RTN4R: variants seen among roughly 807,000 people sequenced by gnomAD.
The protein encoded by RTN4R is reticulon-4 receptor.
A neutral mutation model predicts 27.7 loss-of-function variants in RTN4R; 4 were observed. The ratio of observed to expected loss-of-function variants is 0.14; its 90% CI spans 0.07 to 0.33. RTN4R has a LOEUF of 0.33. RTN4R is among the 10% of genes least tolerant of loss of function. The probability of loss-of-function intolerance (pLI) is 1.00; values close to 1 mark genes in which losing one functional copy is unlikely to be tolerated. For missense variants in RTN4R, 554 were observed against 671.5 expected, an observed-to-expected ratio of 0.83 and a Z score of 1.93; for synonymous variants, 290 against 305.6, an observed-to-expected ratio of 0.95 and a Z score of 0.53.
At position 20,242,850 on chromosome 22, in the gene RTN4R, G is replaced by C. The variant is rs1209924253; in HGVS notation, c.283C>G (p.Arg95Gly). 3 of 1,612,944 alleles carry C rather than the reference G, an allele frequency of 1.9e-6. No homozygotes were observed. Among genetic ancestry groups the C allele is most frequent in the Non-Finnish European group, 1.7e-6 (2 of 1,179,942 alleles). The change falls in exon 2 of 2, where the codon CGA becomes GGA. Residue 95 changes from arginine to glycine, a missense_variant. This residue lies in a region of RTN4R where 413 missense variants were observed against 542.3 expected (regional missense o/e 0.76). Transcript: ENST00000043402. ...ILWLHSNVLA[R>G]IDAAAFTGLA... Reference sequence around the variant, plus strand: ...CCAGTGAAGGCAGCCGCATCAATTCGGGCCAGCACATTCGAGTGCAGCCAC... The same window carrying C: ...CCAGTGAAGGCAGCCGCATCAATTCCGGCCAGCACATTCGAGTGCAGCCAC...
chr22:20,242,739 G>A lies in RTN4R; in HGVS notation c.394C>T (p.Leu132=), dbSNP rs761530181. Residue 132 remains leucine, a synonymous_variant, in exon 2 of 2, where the codon CTA becomes TTA. Coordinates refer to ENST00000043402, the MANE Select transcript of RTN4R (RefSeq NM_023004.6). ...DPATFHGLGR[L]HTLHLDRCGL... Reference sequence around the variant, plus strand: ...CAGCGGTCCAGGTGCAGCGTGTGTAGGCGGCCCAGGCCGTGGAATGTGGCA... The same window carrying A: ...CAGCGGTCCAGGTGCAGCGTGTGTAAGCGGCCCAGGCCGTGGAATGTGGCA... 3.7e-6 allele frequency: 6 copies of A among 1,612,640 alleles called. No homozygotes were observed. The highest frequency in any genetic ancestry group is 5.1e-6 in the Non-Finnish European group (6 of 1,179,674).
At chr22:20,267,535 C>A (rs1285150580) in intron 1 of RTN4R, 5 of 451,856 alleles carry the variant, frequency 1.1e-5, no homozygotes, top group Non-Finnish European at 2.3e-5. Flanking sequence ...GCCCTGGAGG[C>A]AGCGCTGGGA....
At chr22:20,252,043 CTCATCACAATCACTA>C (rs1289552896) in intron 1 of RTN4R, among the ~76,000 whole-genome samples, 1 of 143,482 alleles carries the variant, frequency 7.0e-6, no homozygotes, top group East Asian at 2.1e-4. Flanking sequence ...CATCACCATC[CTCATCACAATCACTA>C]TCATCACCAT....
chr22:20,249,943 C>T (rs556253849), intron 1 of RTN4R, among the ~76,000 whole-genome samples: 1 of 152,320 alleles, frequency 6.6e-6, no homozygotes, highest in African/African-American at 2.4e-5. Flanking sequence ...CCATTGGAGC[C>T]ATCCCAGGGA....
intron 1 of RTN4R, among the ~76,000 whole-genome samples, chr22:20,256,843 T>C (rs867939662): frequency 8.5e-5 from 13 of 152,294 alleles, no homozygotes; most frequent in Middle Eastern, 3.4e-3. Context: ...ATCTGAGAAA[T>C]GGGAAGGCTG....
chr22:20,264,798 T>A (rs888190111), intron 1 of RTN4R, among the ~76,000 whole-genome samples: 16 of 152,166 alleles, frequency 1.1e-4, no homozygotes, highest in African/African-American at 3.6e-4. Context: ...CCTGGGTGGC[T>A]GCAGAGGGTC....
intron 1 of RTN4R, chr22:20,243,556 C>T (rs370926821): frequency 1.3e-5 from 6 of 452,718 alleles, no homozygotes; most frequent in African/African-American, 1.0e-4. Flanking sequence ...GCTGGGGTCC[C>T]TCTGGGCACG....
At chr22:20,247,045 C>A (rs971262596) in intron 1 of RTN4R, among the ~76,000 whole-genome samples, 1 of 152,146 alleles carries the variant, frequency 6.6e-6, no homozygotes, top group Non-Finnish European at 1.5e-5. Context: ...GGAAGGCTGG[C>A]GGCCTGGCTA....
chr22:20,260,485 G>C (rs889762624), intron 1 of RTN4R, among the ~76,000 whole-genome samples: 1 of 152,176 alleles, frequency 6.6e-6, no homozygotes, highest in Non-Finnish European at 1.5e-5. Context: ...GTGGAGGCAG[G>C]TGGGGCCAGG....
intron 1 of RTN4R, among the ~76,000 whole-genome samples, chr22:20,258,889 G>C (rs1569040910): frequency 6.6e-6 from 1 of 152,184 alleles, no homozygotes; most frequent in Admixed American, 6.5e-5. Context: ...TAGGAGTGGG[G>C]CGTGGGGGTG....
intron 1 of RTN4R, among the ~76,000 whole-genome samples, chr22:20,259,400 T>C (rs2051231512): frequency 6.6e-6 from 1 of 152,104 alleles, no homozygotes; most frequent in Non-Finnish European, 1.5e-5. Context: ...TGACATAAAT[T>C]GGGGCCGAGG....
Position 20,241,666 on chromosome 22 carries a change from G to C in RTN4R, c.*45C>G. On this transcript the variant is annotated 3_prime_UTR_variant, in exon 2 of 2. Coordinates refer to ENST00000043402, the MANE Select transcript of RTN4R (RefSeq NM_023004.6). ...GGCGGCGTGGAGAGAGACCCCGTAT[G>C]TACACACACCTGGCTGCTGAGCACG... The C allele has an allele frequency of 6.5e-7, 1 of 1,545,550 alleles. No individual in the cohort carries two copies. The highest frequency in any genetic ancestry group is 8.7e-7 in the Non-Finnish European group (1 of 1,144,458).
In RTN4R at chr22:20,241,647, G is replaced by T. The variant is rs1048846576; in HGVS notation, c.*64C>A. On this transcript the variant is annotated 3_prime_UTR_variant, in exon 2 of 2. Coordinates refer to ENST00000043402, the MANE Select transcript of RTN4R (RefSeq NM_023004.6). The stretch of plus-strand genomic sequence containing the variant: ...TCGGCCGCCCGGCTGGCTTGGCGGC[G>T]TGGAGAGAGACCCCGTATGTACACA... The T allele has an allele frequency of 5.2e-6, 8 of 1,534,338 alleles. No homozygotes were observed. Among genetic ancestry groups the T allele is most frequent in the Non-Finnish European group, 7.0e-6 (8 of 1,135,330 alleles).
intron 1 of RTN4R, among the ~76,000 whole-genome samples, chr22:20,260,619 G>T (rs1256914936): frequency 6.6e-6 from 1 of 152,186 alleles, no homozygotes; most frequent in East Asian, 1.9e-4. Flanking sequence ...GGGGCTTCTG[G>T]GGTAGGGGCC....
intron 1 of RTN4R, among the ~76,000 whole-genome samples, chr22:20,262,028 A>G (rs855053): frequency 2.0e-5 from 3 of 152,072 alleles, no homozygotes; most frequent in African/African-American, 7.2e-5. Flanking sequence ...GATGGTAGGC[A>G]GGGAGCCGGG....
chr22:20,264,472 C>G (rs1323656340), intron 1 of RTN4R, among the ~76,000 whole-genome samples: 1 of 152,230 alleles, frequency 6.6e-6, no homozygotes, highest in Non-Finnish European at 1.5e-5. Context: ...GACCTCCTAT[C>G]CTTTAAAGCA....
intron 1 of RTN4R, among the ~76,000 whole-genome samples, chr22:20,256,949 C>T (rs950488818): frequency 6.6e-6 from 1 of 152,256 alleles, no homozygotes; most frequent in Admixed American, 6.5e-5. Flanking sequence ...CCACTCCACA[C>T]CTCGCTGGCC....
In RTN4R at chr22:20,241,600, C is replaced by G; in HGVS notation, c.*111G>C. 8.1e-7 allele frequency: 1 copy of G among 1,227,350 alleles called. No individual in the cohort carries two copies. The allele number at this position is 1,227,350 out of a possible 1,614,324, so 76.0% of individuals were successfully genotyped here. Reference sequence around the variant, plus strand: ...GCGGCAGGCGTCCATCAGGGAGGACCTGGCCTGGCCTGCCCCACGGGTCGG... The same window carrying G: ...GCGGCAGGCGTCCATCAGGGAGGACGTGGCCTGGCCTGCCCCACGGGTCGG... On this transcript the variant is annotated 3_prime_UTR_variant, in exon 2 of 2. Coordinates refer to ENST00000043402, the MANE Select transcript of RTN4R (RefSeq NM_023004.6).
In RTN4R at chr22:20,243,075, C is replaced by G. The variant is rs1445691413; in HGVS notation, c.58G>C (p.Ala20Pro). 1.2e-6 allele frequency: 2 copies of G among 1,600,076 alleles called. No homozygotes were observed. The highest frequency in any genetic ancestry group is 4.5e-5 in the East Asian group (2 of 44,874). Reference sequence around the variant, plus strand: ...GGGCATGGGGCTGCCACCTGCCAGGCCTGCAGCCACAGCACCCATGCCAGC... The same window carrying G: ...GGGCATGGGGCTGCCACCTGCCAGGGCTGCAGCCACAGCACCCATGCCAGC... ...RLLAWVLWLQ[A>P]WQVAAPCPGA... The change falls in exon 2 of 2, where the codon GCC becomes CCC. Residue 20 changes from alanine (A) to proline (P), a missense_variant. Around this residue, in one of 2 missense-constraint regions of RTN4R, gnomAD observed 413 missense variants for 542.3 expected, o/e 0.76. Coordinates refer to ENST00000043402, the MANE Select transcript of RTN4R (RefSeq NM_023004.6).
Sources: gnomAD v4.1 joint callset for allele counts (sites outside exome capture counted in the v4.1 genomes callset) on GRCh38, gnomAD v4.1.1 for gene constraint, gnomAD v4.1.1 regional missense constraint, MANE v1.5 for transcripts, NCBI Gene and HGNC (gene_info 2026-07-23, HGNC 2026-07-21) for gene names.